The following ENOX1 variants were observed in gnomAD, a reference collection of about 807,000 sequenced individuals.
ENOX1 encodes candidate growth-related and time keeping constitutive hydroquinone (NADH) oxidase.
A neutral mutation model predicts 82.5 loss-of-function variants in ENOX1; 42 were observed. That is an observed-to-expected ratio of 0.51 (90% confidence interval 0.40 to 0.66). The LOEUF (loss-of-function observed/expected upper bound fraction) is 0.66, where lower values mean the gene tolerates loss of function less well. Among genes scored for constraint, ENOX1 ranks in the 30% least tolerant of loss-of-function variants. The pLI, the probability that ENOX1 is intolerant of heterozygous loss-of-function variation, is 0.00. For missense variants in ENOX1, 608 were observed against 811.6 expected, an observed-to-expected ratio of 0.75 and a Z score of 3.05; for synonymous variants, 271 against 282.2, an observed-to-expected ratio of 0.96 and a Z score of 0.40.
At chr13:43,400,351 C>T (rs1270448171) in intron 5 of ENOX1, among the ~76,000 whole-genome samples, 1 of 152,206 alleles carries the variant, frequency 6.6e-6, no homozygotes, top group Non-Finnish European at 1.5e-5. Flanking sequence ...ACTCCCTCCA[C>T]CTGAGTTACC....
At chr13:43,257,203 A>G (rs1181431926) in intron 14 of ENOX1, among the ~76,000 whole-genome samples, 4 of 152,156 alleles carry the variant, frequency 2.6e-5, no homozygotes, top group Non-Finnish European at 5.9e-5. Context: ...GCAGGAATAC[A>G]CTTAGATAGG....
chr13:43,304,100 C>CCCAG (rs1019915789), intron 11 of ENOX1, among the ~76,000 whole-genome samples: 27 of 152,324 alleles, frequency 1.8e-4, no homozygotes, highest in African/African-American at 5.3e-4. Context: ...CATCCCTGTG[C>CCCAG]CCAGGTCCCA....
intron 1 of ENOX1, among the ~76,000 whole-genome samples, chr13:43,683,863 G>C (rs1416084785): frequency 6.6e-6 from 1 of 152,006 alleles, no homozygotes; most frequent in Admixed American, 6.6e-5. Flanking sequence ...ACATGGTTCT[G>C]TGTCAGCCAC....
At chr13:43,501,598 A>G (rs1363131938) in intron 2 of ENOX1, among the ~76,000 whole-genome samples, 3 of 151,692 alleles carry the variant, frequency 2.0e-5, no homozygotes, top group Non-Finnish European at 3.0e-5. Context: ...ATCAATAACA[A>G]AAAAAGAGAA....
intron 12 of ENOX1, among the ~76,000 whole-genome samples, chr13:43,284,721 T>C (rs747378441): frequency 2.0e-5 from 3 of 152,140 alleles, no homozygotes; most frequent in African/African-American, 7.2e-5. Context: ...ATATACTTTC[T>C]TCTTTATTTT....
At chr13:43,470,321 TATATATATGTATATATATAC>T (rs2057968611) in intron 3 of ENOX1, among the ~76,000 whole-genome samples, 2 of 46,970 alleles carry the variant, frequency 4.3e-5, no homozygotes, top group African/African-American at 1.5e-4. Flanking sequence ...TATATACACA[TATATATATGTATATATATAC>T]GTATATATAT....
At chr13:43,532,325 T>G (rs2078265806) in intron 2 of ENOX1, among the ~76,000 whole-genome samples, 1 of 152,186 alleles carries the variant, frequency 6.6e-6, no homozygotes, top group African/African-American at 2.4e-5. Flanking sequence ...CAATGCACTG[T>G]GGACTTTTTT....
At chr13:43,529,600 GCTTA>G (rs964096140) in intron 2 of ENOX1, among the ~76,000 whole-genome samples, 15 of 152,010 alleles carry the variant, frequency 9.9e-5, no homozygotes, top group Non-Finnish European at 1.2e-4. Flanking sequence ...TGTGATAAGT[GCTTA>G]CTTAAGATAC....
chr13:43,623,395 AG>A (rs912375476), intron 2 of ENOX1, among the ~76,000 whole-genome samples: 6 of 152,114 alleles, frequency 3.9e-5, no homozygotes, highest in African/African-American at 1.2e-4. Flanking sequence ...ATGGCCTGCT[AG>A]GGGACCCAGT....
At chr13:43,428,436 C>T (rs975063624) in intron 3 of ENOX1, among the ~76,000 whole-genome samples, 6 of 152,150 alleles carry the variant, frequency 3.9e-5, no homozygotes, top group Non-Finnish European at 7.3e-5. Flanking sequence ...GGTCCATTCT[C>T]CCCATGTCAA....
At chr13:43,506,629 A>C (rs1848246097) in intron 2 of ENOX1, among the ~76,000 whole-genome samples, 1 of 135,468 alleles carries the variant, frequency 7.4e-6, no homozygotes, top group South Asian at 2.3e-4. Context: ...AATGTGGCAC[A>C]TATACACCAT....
chr13:43,412,135 AGGC>A, intron 4 of ENOX1, 82 bp from the exon 5 acceptor site: 1 of 1,521,014 alleles, frequency 6.6e-7, no homozygotes, highest in Non-Finnish European at 9.0e-7. Flanking sequence ...TAGATATGTG[AGGC>A]TTCATTTAGC....
At chr13:43,534,493 T>C (rs2078368943) in intron 2 of ENOX1, among the ~76,000 whole-genome samples, 1 of 152,068 alleles carries the variant, frequency 6.6e-6, no homozygotes, top group Admixed American at 6.6e-5. Context: ...CGCTACCCCA[T>C]CCCTTAACTC....
intron 1 of ENOX1, 65 bp from the exon 2 acceptor site, chr13:43,667,609 C>T (rs1468912054): frequency 2.0e-6 from 1 of 492,366 alleles, no homozygotes; most frequent in Non-Finnish European, 2.6e-6. Flanking sequence ...GCTGACTGAA[C>T]ATATATATGT....
chr13:43,658,868 T>C (rs1263494373), intron 2 of ENOX1, among the ~76,000 whole-genome samples: 1 of 152,180 alleles, frequency 6.6e-6, no homozygotes, highest in Non-Finnish European at 1.5e-5. Context: ...CACATTCTAG[T>C]GTTGTAAAGT....
At chr13:43,543,920 T>C (rs1037739766) in intron 2 of ENOX1, 3 of 136,926 alleles carry the variant, frequency 2.2e-5, no homozygotes, top group Non-Finnish European at 4.7e-5. Flanking sequence ...TTTCTTTTTT[T>C]TTTTTTTTTT....
chr13:43,366,179 TA>T (rs879619243), intron 5 of ENOX1, among the ~76,000 whole-genome samples: 1 of 152,198 alleles, frequency 6.6e-6, no homozygotes, highest in Non-Finnish European at 1.5e-5. Context: ...CAAGCATTCT[TA>T]AAAAACTGTT....
intron 1 of ENOX1, among the ~76,000 whole-genome samples, chr13:43,710,917 T>A (rs1262515116): frequency 6.6e-6 from 1 of 152,140 alleles, no homozygotes; most frequent in Non-Finnish European, 1.5e-5. Context: ...GTTGGTTTTT[T>A]AAATTATTAT....
rs543219317 is a variant in ENOX1 at position 43,669,551 on chromosome 13, G to A, written c.-284-2007C>T. Among the ~76,000 whole-genome samples, 32 of 151,126 alleles carry A rather than the reference G, an allele frequency of 2.1e-4. No individual in the cohort carries two copies. In the South Asian group the frequency reaches 6.5e-3, roughly 30 times the overall value. ...TTTGTGAGAAGAAGGAGCTAAGGGA[G>A]AGAAGGAAGGACAACCAAACATCTT... On this transcript the variant is annotated intron_variant, in intron 1 of 16. Coordinates refer to ENST00000690772, the MANE Select transcript of ENOX1 (RefSeq NM_001347969.2).
Sources: gnomAD v4.1 joint callset for allele counts (sites outside exome capture counted in the v4.1 genomes callset) on GRCh38, gnomAD v4.1.1 for gene constraint, MANE v1.5 for transcripts, NCBI Gene and HGNC (gene_info 2026-07-23, HGNC 2026-07-21) for gene names.